The following CIMIP2A variants were observed in gnomAD, a reference collection of about 807,000 sequenced individuals.
CIMIP2A encodes the protein family with sequence similarity 166 member A.
the CIMIP2A span, among the ~76,000 whole-genome samples, chr9:137,248,982 T>C: frequency 6.6e-6 from 1 of 150,848 alleles, no homozygotes; most frequent in Non-Finnish European, 1.5e-5. Flanking sequence ...AACAAAGATA[T>C]AAACAACACC....
chr9:137,252,060 C>G, the CIMIP2A span: 3 of 1,613,138 alleles, frequency 1.9e-6, no homozygotes, highest in Non-Finnish European at 1.7e-6. Context: ...CACCAGGTAC[C>G]AGGTGCCGAG....
the CIMIP2A span, chr9:137,253,201 C>T: frequency 2.4e-5 from 38 of 1,609,050 alleles, no homozygotes; most frequent in African/African-American, 4.0e-5. Flanking sequence ...CCAGGGTGTA[C>T]GCAGACCCAA....
chr9:137,252,643 G>C, the CIMIP2A span: 4 of 1,395,770 alleles, frequency 2.9e-6, no homozygotes, highest in Non-Finnish European at 2.8e-6. Flanking sequence ...CCTGCAGCCC[G>C]TCTCCTACCC....
chr9:137,243,845 C>T, the CIMIP2A span: 2 of 1,573,314 alleles, frequency 1.3e-6, no homozygotes, highest in South Asian at 2.2e-5. Flanking sequence ...CCAGCATGGG[C>T]TGGACACCCA....
the CIMIP2A span, chr9:137,245,654 T>C: frequency 2.5e-6 from 4 of 1,607,226 alleles, no homozygotes; most frequent in Admixed American, 5.0e-5. Flanking sequence ...TAGTGGGGGA[T>C]GTAGGGCTCC....
chr9:137,244,853 C>G, the CIMIP2A span: 144 of 1,564,718 alleles, frequency 9.2e-5, 1 homozygote, highest in Non-Finnish European at 1.2e-4. Context: ...GTTCCCTGAA[C>G]GTTGGCGACT....
the CIMIP2A span, chr9:137,255,049 T>C: frequency 1.3e-5 from 2 of 154,666 alleles, no homozygotes; most frequent in African/African-American, 4.8e-5. Context: ...GCAAGAGCGT[T>C]TTCCACGCTT....
chr9:137,248,651 T>G, the CIMIP2A span, among the ~76,000 whole-genome samples: 1 of 152,028 alleles, frequency 6.6e-6, no homozygotes, highest in African/African-American at 2.4e-5. Flanking sequence ...TGCAGATTGC[T>G]TGAGCCTAGG....
At chr9:137,244,758 G>A in the CIMIP2A span, 1 of 1,609,080 alleles carries the variant, frequency 6.2e-7, no homozygotes, top group East Asian at 2.2e-5. Flanking sequence ...CAGATGTACG[G>A]GCTACCCCAA....
chr9:137,243,858 C>A, the CIMIP2A span: 1 of 1,544,148 alleles, frequency 6.5e-7, no homozygotes, highest in Admixed American at 1.7e-5. Context: ...GACACCCAGG[C>A]TTCAGAGAAG....
At chr9:137,251,622 TGG>T in the CIMIP2A span, 1 of 1,206,994 alleles carries the variant, frequency 8.3e-7, no homozygotes, top group Non-Finnish European at 1.1e-6. Flanking sequence ...GGACAGGCTG[TGG>T]GGCACGTGGC....
chr9:137,243,783 G>C, the CIMIP2A span: 2 of 1,614,026 alleles, frequency 1.2e-6, no homozygotes, highest in African/African-American at 1.3e-5. Context: ...TAGTTGTCCT[G>C]CATGGCTGCG....
the CIMIP2A span, chr9:137,243,706 T>C: frequency 1.6e-5 from 26 of 1,614,086 alleles, no homozygotes; most frequent in East Asian, 2.2e-5. Context: ...ATTTTCATAG[T>C]GTGTGGTTTC....
chr9:137,248,561 AG>A, the CIMIP2A span, among the ~76,000 whole-genome samples: 10 of 144,252 alleles, frequency 6.9e-5, no homozygotes, highest in Non-Finnish European at 1.4e-4. Flanking sequence ...AAAAAAAAAA[AG>A]AAAGAAAGAA....
the CIMIP2A span, chr9:137,244,246 G>A: frequency 1.9e-6 from 3 of 1,613,880 alleles, no homozygotes; most frequent in Admixed American, 5.0e-5. Context: ...TGTGTTCCAG[G>A]CAGCTTCTCG....
the CIMIP2A span, chr9:137,247,875 C>CA: frequency 1.5e-6 from 1 of 688,012 alleles, no homozygotes; most frequent in Non-Finnish European, 2.5e-6. Context: ...CCACATTGCA[C>CA]AGGTGAGACA....
At chr9:137,249,011 TAATATG>T in the CIMIP2A span, among the ~76,000 whole-genome samples, 1 of 120,478 alleles carries the variant, frequency 8.3e-6, no homozygotes, top group Non-Finnish European at 1.8e-5. Context: ...AAATGCAGAC[TAATATG>T]GTTTTTTTTT....
the CIMIP2A span, chr9:137,253,394 C>T: frequency 6.7e-7 from 1 of 1,501,122 alleles, no homozygotes; most frequent in South Asian, 1.3e-5. Flanking sequence ...GCTGGCCAAC[C>T]CTTCTATGGG....
the CIMIP2A span, among the ~76,000 whole-genome samples, chr9:137,254,521 G>A: frequency 6.6e-6 from 1 of 152,258 alleles, no homozygotes; most frequent in Non-Finnish European, 1.5e-5. Context: ...GGGCTTCCTG[G>A]AGGAGGTGGT....
Sources: gnomAD v4.1 joint callset for allele counts (sites outside exome capture counted in the v4.1 genomes callset) on GRCh38, gnomAD v4.1.1 for gene constraint, MANE v1.5 for transcripts, NCBI Gene and HGNC (gene_info 2026-07-23, HGNC 2026-07-21) for gene names.